Variants in TAOK1 observed in about 807,000 individuals in gnomAD.
The protein encoded by TAOK1 is TAO kinase 1.
TAOK1 carries 21 observed loss-of-function variants against 138.3 expected under a neutral mutation model. The observed-to-expected ratio is 0.15, with a 90% confidence interval of 0.11 to 0.22. The LOEUF (loss-of-function observed/expected upper bound fraction) is 0.22, where lower values mean the gene tolerates loss of function less well. Ranked by LOEUF, TAOK1 falls within the 10% of genes least tolerant of loss-of-function variation. The pLI is 1.00. For synonymous variants in TAOK1, 361 were observed against 398.4 expected, an observed-to-expected ratio of 0.91 and a Z score of 1.12; for missense variants, 651 against 1,227.7, an observed-to-expected ratio of 0.53 and a Z score of 7.02.
chr17:29,467,022 A>G, intron 2 of TAOK1, 123 bp from the exon 3 acceptor site: 1 of 543,302 alleles, frequency 1.8e-6, no homozygotes, highest in Non-Finnish European at 3.0e-6. Flanking sequence ...ATTTTCTTTA[A>G]AAGTGGTTTT....
In TAOK1 at chr17:29,409,221, C is replaced by G. The variant is rs560579865; in HGVS notation, c.-95+18197C>G. 1.5e-3 allele frequency among the ~76,000 whole-genome samples: 218 copies of G among 149,812 alleles called. 1 individual carries two copies. Among genetic ancestry groups the G allele is most frequent in the African/African-American group, 5.0e-3 (202 of 40,624 alleles). ...TGGATATATCACTGTTTATGTTCACCTGTTGATTGATAATTGAATTATTTC... is the reference window on the plus strand; with the variant it reads ...TGGATATATCACTGTTTATGTTCACGTGTTGATTGATAATTGAATTATTTC... On this transcript the variant is annotated intron_variant, in intron 1 of 19. Coordinates refer to ENST00000261716, the MANE Select transcript of TAOK1 (RefSeq NM_020791.4).
At chr17:29,410,665 C>T (rs541290475) in intron 1 of TAOK1, among the ~76,000 whole-genome samples, 1 of 133,194 alleles carries the variant, frequency 7.5e-6, no homozygotes, top group East Asian at 2.2e-4. Context: ...TGGAGTCTTG[C>T]TCTGTCGCCC....
chr17:29,432,034 G>A (rs981728316), intron 1 of TAOK1, among the ~76,000 whole-genome samples: 7 of 152,036 alleles, frequency 4.6e-5, no homozygotes, highest in Non-Finnish European at 8.8e-5. Flanking sequence ...AGACCAGCTC[G>A]GTTGTGGAGA....
intron 1 of TAOK1, among the ~76,000 whole-genome samples, chr17:29,405,745 C>T (rs958357423): frequency 2.0e-5 from 3 of 152,080 alleles, no homozygotes; most frequent in Admixed American, 2.0e-4. Context: ...AACCTCTCTA[C>T]TCCAGCCTGT....
At position 29,517,418 on chromosome 17, in the gene TAOK1, C is replaced by G. The variant is rs369712556; in HGVS notation, c.1705-35C>G. On this transcript the variant is annotated intron_variant, in intron 15 of 19. Coordinates refer to ENST00000261716, the MANE Select transcript of TAOK1 (RefSeq NM_020791.4). ...TACAGGCGTGAGCCACCGTGCCAGG[C>G]CTATTTTTACCTGAGTTGTTTTTTA... 160 of 1,606,118 alleles carry G rather than the reference C, an allele frequency of 1.0e-4. No individual in the cohort carries two copies. The African/African-American group carries it at 2.0e-3, about 20-fold the overall frequency.
rs66788063 is a variant in TAOK1, at chr17:29,530,962, A to ATTTTTTTTTTTTTTTTTTTTT, written c.2361+360_2361+361insTTTTTTTTTTTTTTTTTTTTT. ...TGGTTGTGTTTGAGTACAAGTACAA[A>ATTTTTTTTTTTTTTTTTTTTT]TTTTTTTTTTTTTTTTTGAGACGGA... On this transcript the variant is annotated intron_variant, in intron 18 of 19. Coordinates refer to ENST00000261716, the MANE Select transcript of TAOK1 (RefSeq NM_020791.4). Among the ~76,000 whole-genome samples, 22 of 96,170 alleles carry ATTTTTTTTTTTTTTTTTTTTT rather than the reference A, an allele frequency of 2.3e-4. 3 individuals are homozygous for ATTTTTTTTTTTTTTTTTTTTT. The highest frequency in any genetic ancestry group is 5.7e-4 in the African/African-American group (13 of 22,948). The allele number at this position is 96,170 out of a possible 152,430, so 63.1% of individuals were successfully genotyped here.
intron 1 of TAOK1, among the ~76,000 whole-genome samples, chr17:29,407,229 C>T (rs939987392): frequency 6.6e-6 from 1 of 152,104 alleles, no homozygotes; most frequent in Non-Finnish European, 1.5e-5. Flanking sequence ...TTAAGCCACT[C>T]TCCTGCTTTG....
At chr17:29,524,831 C>G (rs1326827254) in intron 17 of TAOK1, among the ~76,000 whole-genome samples, 1 of 152,068 alleles carries the variant, frequency 6.6e-6, no homozygotes, top group Non-Finnish European at 1.5e-5. Context: ...GGTGCTGTTT[C>G]TATGGAAAGG....
intron 3 of TAOK1, among the ~76,000 whole-genome samples, chr17:29,472,495 C>T (rs1209937937): frequency 1.3e-5 from 2 of 151,972 alleles, no homozygotes; most frequent in African/African-American, 4.8e-5. Context: ...TCAGGTGATC[C>T]ACCTGCCTCG....
intron 1 of TAOK1, among the ~76,000 whole-genome samples, chr17:29,397,747 A>G (rs1904700015): frequency 8.1e-6 from 1 of 123,306 alleles, no homozygotes; most frequent in South Asian, 2.3e-4. Context: ...ACACGTATAT[A>G]TACACGTATG....
chr17:29,453,790 C>G (rs1034094710), intron 2 of TAOK1, among the ~76,000 whole-genome samples: 7 of 147,654 alleles, frequency 4.7e-5, no homozygotes, highest in Non-Finnish European at 8.9e-5. Context: ...GGTCTAACTT[C>G]ATTCACTTAG....
At chr17:29,450,075 T>TTTTCC (rs1261028795) in intron 1 of TAOK1, among the ~76,000 whole-genome samples, 1 of 151,996 alleles carries the variant, frequency 6.6e-6, no homozygotes, top group African/African-American at 2.4e-5. Flanking sequence ...TTTATTTCCT[T>TTTTCC]TTTCCTTTCC....
chr17:29,441,074 T>C (rs1344542176), intron 1 of TAOK1, among the ~76,000 whole-genome samples: 1 of 152,242 alleles, frequency 6.6e-6, no homozygotes, highest in Non-Finnish European at 1.5e-5. Context: ...AACATGCTGC[T>C]GGATTCAGGT....
rs746100021 is a variant in TAOK1 at position 29,425,752 on chromosome 17, A to G, written c.-94-25703A>G. ...AAGATGATAAATTATGTTTGAAAATATCATTCTTGTAATCTAAGATCAAGT... is the reference window on the plus strand; with the variant it reads ...AAGATGATAAATTATGTTTGAAAATGTCATTCTTGTAATCTAAGATCAAGT... On this transcript the variant is annotated intron_variant, in intron 1 of 19. Coordinates refer to ENST00000261716, the MANE Select transcript of TAOK1 (RefSeq NM_020791.4). 9.1e-4 allele frequency among the ~76,000 whole-genome samples: 138 copies of G among 152,384 alleles called. 1 individual carries two copies. The highest frequency in any genetic ancestry group is 3.4e-4 in the Non-Finnish European group (23 of 68,044).
intron 1 of TAOK1, chr17:29,403,643 T>C (rs1904913298): frequency 6.6e-6 from 1 of 152,182 alleles, no homozygotes; most frequent in Non-Finnish European, 1.5e-5. Flanking sequence ...TTTTATTTAC[T>C]GGAATTAGAG....
chr17:29,420,708 C>T (rs139310379), intron 1 of TAOK1, among the ~76,000 whole-genome samples: 2,258 of 151,660 alleles, frequency 0.015, 55 homozygotes, highest in African/African-American at 0.052. Context: ...GCTTCAGCCT[C>T]CCGAGTAGCT....
At chr17:29,482,117 A>T in intron 7 of TAOK1, 80 bp from the exon 8 acceptor site, 1 of 1,020,216 alleles carries the variant, frequency 9.8e-7, no homozygotes, top group Non-Finnish European at 1.5e-6. Context: ...AGTGATCTCC[A>T]TGTAGATGAC....
chr17:29,424,393 C>G (rs891005280), intron 1 of TAOK1, among the ~76,000 whole-genome samples: 2 of 141,980 alleles, frequency 1.4e-5, no homozygotes, highest in African/African-American at 5.3e-5. Flanking sequence ...CCCAAGATCC[C>G]GCCACTGCAC....
At chr17:29,474,463 C>A (rs150715245) in intron 3 of TAOK1, among the ~76,000 whole-genome samples, 2 of 152,054 alleles carry the variant, frequency 1.3e-5, no homozygotes, top group Non-Finnish European at 2.9e-5. Context: ...GTGAGTATTC[C>A]GTTCACTTGA....
Sources: gnomAD v4.1 joint callset for allele counts (sites outside exome capture counted in the v4.1 genomes callset) on GRCh38, gnomAD v4.1.1 for gene constraint, MANE v1.5 for transcripts, NCBI Gene and HGNC (gene_info 2026-07-23, HGNC 2026-07-21) for gene names.